Variants in CCSER1 observed in about 807,000 individuals in gnomAD.
CCSER1 encodes the protein coiled-coil serine rich protein 1.
In CCSER1, 41 loss-of-function variants were observed where a neutral mutation model predicts 82.0. The observed-to-expected ratio is 0.50, with a 90% confidence interval of 0.39 to 0.65. The LOEUF (loss-of-function observed/expected upper bound fraction) is 0.65, where lower values mean the gene tolerates loss of function less well. CCSER1 is among the 30% of genes least tolerant of loss of function. CCSER1 has a pLI of 0.00. For missense variants in CCSER1, 1,119 were observed against 1,064.2 expected (o/e 1.05, Z -0.72); for synonymous variants, 414 against 383.9 (o/e 1.08, Z -0.92).
chr4:91,436,483 A>G (rs750590741), intron 10 of CCSER1, among the ~76,000 whole-genome samples: 3 of 152,216 alleles, frequency 2.0e-5, no homozygotes, highest in Non-Finnish European at 4.4e-5. Context: ...TTTGAAGGTG[A>G]TAGAAAGTAT....
intron 1 of CCSER1, among the ~76,000 whole-genome samples, chr4:90,225,454 C>G (rs1742989967): frequency 6.6e-6 from 1 of 152,068 alleles, no homozygotes; most frequent in Admixed American, 6.6e-5. Flanking sequence ...ACTATAACCT[C>G]CACTCTTGAG....
intron 9 of CCSER1, among the ~76,000 whole-genome samples, chr4:91,016,283 T>C (rs575461557): frequency 6.6e-6 from 1 of 152,138 alleles, no homozygotes; most frequent in Non-Finnish European, 1.5e-5. Flanking sequence ...TTTTATACTA[T>C]TTTATTTATT....
chr4:91,358,134 G>T (rs913125361), intron 10 of CCSER1, among the ~76,000 whole-genome samples: 1 of 151,544 alleles, frequency 6.6e-6, no homozygotes, highest in Admixed American at 6.6e-5. Flanking sequence ...CTCTCTGCTG[G>T]TCTTTCCTTT....
At position 90,168,935 on chromosome 4, in the gene CCSER1, C is replaced by T. The variant is rs544451783; in HGVS notation, c.-42+41104C>T. On this transcript the variant is annotated intron_variant, in intron 1 of 10. Transcript: ENST00000509176. ...GATGCCTCCAGCTTTATTCTTTTGG[C>T]TTAGGATTGACGTGGTGATGCGGGC... Among the ~76,000 whole-genome samples, 17 of 151,684 alleles carry T rather than the reference C, an allele frequency of 1.1e-4. 1 individual carries two copies. Among genetic ancestry groups the T allele is most frequent in the Admixed American group, 6.6e-4 (10 of 15,240 alleles).
chr4:91,331,027 T>G (rs1221881572), intron 10 of CCSER1, among the ~76,000 whole-genome samples: 1 of 152,082 alleles, frequency 6.6e-6, no homozygotes, highest in African/African-American at 2.4e-5. Context: ...GGAAAAACCA[T>G]AGTGTGTGTA....
At chr4:90,144,971 T>G (rs1391583427) in intron 1 of CCSER1, among the ~76,000 whole-genome samples, 2 of 152,146 alleles carry the variant, frequency 1.3e-5, no homozygotes, top group African/African-American at 4.8e-5. Context: ...CTACAAAATT[T>G]TACGACCATT....
chr4:90,180,602 T>A (rs1208039933), intron 1 of CCSER1, among the ~76,000 whole-genome samples: 1 of 151,720 alleles, frequency 6.6e-6, no homozygotes, highest in Non-Finnish European at 1.5e-5. Context: ...AAAAAAAAAT[T>A]TGTTTATCTC....
At chr4:90,299,079 T>C (rs761265958) in intron 1 of CCSER1, among the ~76,000 whole-genome samples, 4 of 152,132 alleles carry the variant, frequency 2.6e-5, no homozygotes, top group South Asian at 4.1e-4. Flanking sequence ...GTGTAACTTA[T>C]GTCTTTCTAA....
intron 8 of CCSER1, among the ~76,000 whole-genome samples, chr4:90,847,499 G>A (rs1016238832): frequency 1.1e-4 from 17 of 151,944 alleles, no homozygotes; most frequent in African/African-American, 2.9e-4. Context: ...CATTTCTCAC[G>A]TATCAGTTTT....
chr4:91,410,798 G>C (rs1353979827), intron 10 of CCSER1, among the ~76,000 whole-genome samples: 1 of 151,898 alleles, frequency 6.6e-6, no homozygotes, highest in Non-Finnish European at 1.5e-5. Context: ...TTTTAATACA[G>C]CTTTTTTTCT....
intron 10 of CCSER1, among the ~76,000 whole-genome samples, chr4:91,144,348 C>A (rs1343867769): frequency 6.7e-6 from 1 of 148,732 alleles, no homozygotes; most frequent in Non-Finnish European, 1.5e-5. Flanking sequence ...TTGGATCTCT[C>A]TTTTTTTCTC....
chr4:90,391,287 G>GA (rs1185973310), intron 3 of CCSER1, among the ~76,000 whole-genome samples: 24 of 69,122 alleles, frequency 3.5e-4, no homozygotes, highest in Non-Finnish European at 4.9e-4. Context: ...AAAAAAAAAA[G>GA]AAAAAAAAAG....
intron 8 of CCSER1, among the ~76,000 whole-genome samples, chr4:90,913,156 C>G (rs184766812): frequency 3.9e-4 from 60 of 152,114 alleles, no homozygotes; most frequent in African/African-American, 1.4e-3. Context: ...AGATACTCCT[C>G]GAGAAGAGCT....
chr4:91,319,190 A>G, intron 10 of CCSER1: 1 of 205,394 alleles, frequency 4.9e-6, no homozygotes. Context: ...GAATGCTAAA[A>G]AGAATAGAGT....
chr4:91,078,603 C>T (rs1722297940), intron 9 of CCSER1, among the ~76,000 whole-genome samples: 1 of 152,218 alleles, frequency 6.6e-6, no homozygotes, highest in South Asian at 2.1e-4. Context: ...GAGAAGAAGG[C>T]TTCAGAAGAC....
rs562115537 is a variant in CCSER1, at chr4:90,253,262, G to A, written c.-41-54982G>A. Among the ~76,000 whole-genome samples the A allele has an allele frequency of 1.2e-4, 19 of 152,152 alleles. No individual in the cohort carries two copies. The South Asian group carries it at 3.7e-3, about 30-fold the overall frequency. On this transcript the variant is annotated intron_variant, in intron 1 of 10. Transcript: ENST00000509176. The stretch of plus-strand genomic sequence containing the variant: ...AATGGAAAGAAATGTGCAATTGTAT[G>A]TCATACTTTCTAATATGATTACCTT...
intron 10 of CCSER1, among the ~76,000 whole-genome samples, chr4:91,542,588 C>T (rs7690644): frequency 0.38 from 57,699 of 151,970 alleles, 11,135 homozygotes; most frequent in East Asian, 0.58. Context: ...GCAGGTTGTT[C>T]AGTTTCCGTA....
At chr4:90,212,340 A>T (rs957931705) in intron 1 of CCSER1, among the ~76,000 whole-genome samples, 1 of 152,196 alleles carries the variant, frequency 6.6e-6, no homozygotes, top group Non-Finnish European at 1.5e-5. Flanking sequence ...AGTATCTAAT[A>T]ATCACAATAT....
chr4:90,790,928 C>A (rs909918118), intron 7 of CCSER1, among the ~76,000 whole-genome samples: 4 of 152,124 alleles, frequency 2.6e-5, no homozygotes, highest in African/African-American at 9.7e-5. Flanking sequence ...GCACCCCACT[C>A]TCTGCAGTAT....
Sources: allele counts gnomAD v4.1 joint callset (sites outside exome capture counted in the v4.1 genomes callset), GRCh38; gene constraint gnomAD v4.1.1; transcripts MANE v1.5; gene names NCBI Gene and HGNC (gene_info 2026-07-23, HGNC 2026-07-21).